The following EYS variants were observed in gnomAD, a reference collection of about 807,000 sequenced individuals.
The protein encoded by EYS is protein eyes shut homolog.
In EYS, 250 loss-of-function variants were observed where a neutral mutation model predicts 282.1. The ratio of observed to expected loss-of-function variants is 0.89; its 90% CI spans 0.80 to 0.98. The LOEUF (loss-of-function observed/expected upper bound fraction) is 0.98. EYS is among the 50% of genes least tolerant of loss of function. The pLI is 0.00. For missense variants in EYS, 4,016 were observed against 3,709.0 expected (o/e 1.08, Z -2.15); for synonymous variants, 1,355 against 1,282.9 (o/e 1.06, Z -1.20).
intron 12 of EYS, among the ~76,000 whole-genome samples, chr6:65,153,548 A>G (rs977496597): frequency 5.3e-5 from 8 of 151,718 alleles, no homozygotes; most frequent in Non-Finnish European, 1.0e-4. Context: ...CACGAAGGCT[A>G]ATTTTCTTCT....
intron 1 of EYS, among the ~76,000 whole-genome samples, chr6:65,647,694 T>C (rs1276094713): frequency 6.6e-6 from 1 of 152,152 alleles, no homozygotes; most frequent in Non-Finnish European, 1.5e-5. Context: ...CCAAAAAGCT[T>C]TTGCTCAACA....
chr6:63,759,653 T>G (rs1221499150), intron 41 of EYS, among the ~76,000 whole-genome samples: 3 of 152,080 alleles, frequency 2.0e-5, no homozygotes, highest in Non-Finnish European at 4.4e-5. Context: ...CACAGTGGGA[T>G]TGAAAGTAGT....
chr6:64,993,990 T>C (rs1771164626), intron 14 of EYS, among the ~76,000 whole-genome samples: 1 of 151,576 alleles, frequency 6.6e-6, no homozygotes, highest in Non-Finnish European at 1.5e-5. Context: ...CCCCTGCTGT[T>C]ATCAAAAATA....
intron 5 of EYS, among the ~76,000 whole-genome samples, chr6:65,467,951 T>C (rs375750825): frequency 1.3e-5 from 2 of 152,186 alleles, no homozygotes; most frequent in Non-Finnish European, 2.9e-5. Context: ...ATTACTATCA[T>C]GCACACATTA....
intron 24 of EYS, among the ~76,000 whole-genome samples, chr6:64,603,925 C>CA (rs1284619691): frequency 1.3e-5 from 2 of 149,922 alleles, no homozygotes; most frequent in African/African-American, 4.9e-5. Flanking sequence ...AAGCATCTAC[C>CA]AAAAAGGTGG....
chr6:64,794,066 A>T (rs1052457897), intron 22 of EYS, among the ~76,000 whole-genome samples: 1 of 152,102 alleles, frequency 6.6e-6, no homozygotes, highest in Admixed American at 6.6e-5. Context: ...ACTGTTTTGG[A>T]TACCTAATAT....
At chr6:65,317,862 CT>C (rs1769350843) in intron 11 of EYS, among the ~76,000 whole-genome samples, 1 of 58,660 alleles carries the variant, frequency 1.7e-5, no homozygotes, top group African/African-American at 9.6e-5. Flanking sequence ...TTCTTTCTTT[CT>C]TTCTTTCTTT....
chr6:64,556,724 A>G (rs924843681), intron 26 of EYS, among the ~76,000 whole-genome samples: 1 of 152,010 alleles, frequency 6.6e-6, no homozygotes, highest in Non-Finnish European at 1.5e-5. Context: ...AAGAATAGGC[A>G]GCTGTGAAAC....
At chr6:64,343,725 A>G (rs1295717651) in intron 29 of EYS, among the ~76,000 whole-genome samples, 1 of 152,152 alleles carries the variant, frequency 6.6e-6, no homozygotes, top group Non-Finnish European at 1.5e-5. Flanking sequence ...ACTGAAGGAA[A>G]TAGAGACATA....
In EYS at chr6:64,628,087, AAAAC is replaced by A. The variant is rs1027292053; in HGVS notation, c.3444-1846_3444-1843del. On this transcript the variant is annotated intron_variant, in intron 22 of 42. Transcript: ENST00000503581. ...AGTGCGAGACTCCGTCTCAAAAACA[AAAAC>A]AAACAAACAAACAAACAAACAAAGA... Among the ~76,000 whole-genome samples the A allele has an allele frequency of 8.6e-4, 131 of 152,290 alleles. 1 individual carries two copies. Among genetic ancestry groups the A allele is most frequent in the African/African-American group, 1.5e-3 (64 of 41,560 alleles).
intron 24 of EYS, among the ~76,000 whole-genome samples, chr6:64,600,710 G>C (rs1766736030): frequency 6.6e-6 from 1 of 152,002 alleles, no homozygotes; most frequent in South Asian, 2.1e-4. Flanking sequence ...CCACTGAATG[G>C]CCGGGGCTAA....
intron 26 of EYS, among the ~76,000 whole-genome samples, chr6:64,458,959 A>T (rs1211104548): frequency 6.6e-6 from 1 of 152,218 alleles, no homozygotes; most frequent in Non-Finnish European, 1.5e-5. Context: ...TACTTTAAAC[A>T]TTCTCATTTC....
intron 19 of EYS, among the ~76,000 whole-genome samples, chr6:64,824,921 G>A (rs1373375094): frequency 6.6e-6 from 1 of 151,810 alleles, no homozygotes; most frequent in Non-Finnish European, 1.5e-5. Context: ...GGATAAGAAT[G>A]GAATAACTAG....
intron 5 of EYS, among the ~76,000 whole-genome samples, chr6:65,448,091 A>C (rs1768744018): frequency 6.6e-6 from 1 of 152,022 alleles, no homozygotes; most frequent in Non-Finnish European, 1.5e-5. Context: ...CAGACAAATT[A>C]TTTGAGGGAA....
intron 42 of EYS, 62 bp from the exon 43 acceptor site, chr6:63,721,859 G>T: frequency 7.0e-7 from 1 of 1,431,114 alleles, no homozygotes; most frequent in Non-Finnish European, 9.3e-7. Context: ...GAAAACTTTT[G>T]CTGTTTCTGG....
intron 22 of EYS, among the ~76,000 whole-genome samples, chr6:64,648,501 T>G (rs918206132): frequency 1.9e-4 from 29 of 152,194 alleles, no homozygotes; most frequent in Non-Finnish European, 3.7e-4. Flanking sequence ...AAATATGGTC[T>G]GAAACCACTA....
At chr6:65,100,401 G>A (rs1364149089) in intron 12 of EYS, among the ~76,000 whole-genome samples, 1 of 150,610 alleles carries the variant, frequency 6.6e-6, no homozygotes, top group Non-Finnish European at 1.5e-5. Context: ...GGCATTCTAA[G>A]ATGAATGCAC....
intron 30 of EYS, among the ~76,000 whole-genome samples, chr6:64,241,154 T>C (rs533321378): frequency 6.6e-6 from 1 of 152,306 alleles, no homozygotes; most frequent in African/African-American, 2.4e-5. Context: ...GCCAGTATTT[T>C]ATTTAGGATT....
chr6:63,957,384 GTC>G (rs1464621658), intron 35 of EYS, among the ~76,000 whole-genome samples: 1 of 140,754 alleles, frequency 7.1e-6, no homozygotes, highest in East Asian at 2.0e-4. Flanking sequence ...TTAAAATGTT[GTC>G]TCTGTGCATA....
Sources: allele counts gnomAD v4.1 joint callset (sites outside exome capture counted in the v4.1 genomes callset), GRCh38; gene constraint gnomAD v4.1.1; transcripts MANE v1.5; gene names NCBI Gene and HGNC (gene_info 2026-07-23, HGNC 2026-07-21).